Variants in RPTOR observed in about 807,000 individuals in gnomAD.
RPTOR encodes the protein regulatory-associated protein of mTOR.
A neutral mutation model predicts 169.9 loss-of-function variants in RPTOR; 21 were observed. That is an observed-to-expected ratio of 0.12 (90% CI 0.09 to 0.18). The LOEUF (loss-of-function observed/expected upper bound fraction) is 0.18. RPTOR is among the 10% of genes least tolerant of loss of function. The pLI is 1.00. For synonymous variants in RPTOR, 732 were observed against 753.2 expected (o/e 0.97, Z 0.46); for missense variants, 1,133 against 1,855.9 (o/e 0.61, Z 7.16).
intron 7 of RPTOR, among the ~76,000 whole-genome samples, chr17:80,821,511 C>T (rs1456550515): frequency 2.0e-5 from 3 of 152,310 alleles, no homozygotes; most frequent in Non-Finnish European, 4.4e-5. Flanking sequence ...ATGGTTCTGT[C>T]CTCACGGCTG....
At chr17:80,939,072 G>A (rs888560469) in intron 24 of RPTOR, among the ~76,000 whole-genome samples, 5 of 152,104 alleles carry the variant, frequency 3.3e-5, no homozygotes, top group African/African-American at 7.2e-5. Context: ...TTCCTTTGTC[G>A]AGACAGAGTT....
chr17:80,830,772 G>A (rs2067495155), intron 9 of RPTOR, among the ~76,000 whole-genome samples: 1 of 151,200 alleles, frequency 6.6e-6, no homozygotes, highest in South Asian at 2.1e-4. Flanking sequence ...TTTTTCGGAG[G>A]CGGGGTCTCG....
At chr17:80,761,574 AGACATTTGCTGT>A (rs1285984928) in intron 6 of RPTOR, among the ~76,000 whole-genome samples, 1 of 152,194 alleles carries the variant, frequency 6.6e-6, no homozygotes, top group East Asian at 1.9e-4. Context: ...GTCTCATTTC[AGACATTTGCTGT>A]GACATTTGCT....
chr17:80,593,932 C>T (rs1248380133), intron 1 of RPTOR: 5 of 152,118 alleles, frequency 3.3e-5, no homozygotes, highest in African/African-American at 9.7e-5. Flanking sequence ...TGGACTCCTC[C>T]GTGATTCTAA....
At chr17:80,662,717 A>C (rs1275866143) in intron 3 of RPTOR, among the ~76,000 whole-genome samples, 1 of 152,186 alleles carries the variant, frequency 6.6e-6, no homozygotes, top group African/African-American at 2.4e-5. Flanking sequence ...TAGAAAGGCA[A>C]GCTAGGGATG....
intron 2 of RPTOR, among the ~76,000 whole-genome samples, chr17:80,637,341 G>C (rs1007587345): frequency 2.6e-5 from 4 of 152,190 alleles, no homozygotes; most frequent in Non-Finnish European, 5.9e-5. Flanking sequence ...TGAGAAATGG[G>C]ATCCAGGTCC....
intron 5 of RPTOR, among the ~76,000 whole-genome samples, chr17:80,734,979 C>T (rs1372216996): frequency 6.6e-6 from 1 of 152,178 alleles, no homozygotes; most frequent in Non-Finnish European, 1.5e-5. Flanking sequence ...AAGCACCACA[C>T]CATTTTATAT....
In RPTOR at chr17:80,754,025, C is replaced by G. The variant is rs900695520; in HGVS notation, c.670C>G (p.Pro224Ala). The change falls in exon 6 of 34, where the codon CCA (proline) becomes GCA (alanine). Residue 224 changes from proline (P) to alanine (A), a missense_variant. By Grantham distance (27) the Pro-to-Ala change is conservative. Around this residue, in one of 9 missense-constraint regions of RPTOR, gnomAD observed 35 missense variants for 31.8 expected, o/e 1.10. Transcript: ENST00000306801. This position sits in a 1 kb window ranked among gnomAD's most constrained non-coding sequence, Gnocchi z 4.2. ...EQELEVAAIN[P>A]NHPLAQMPLP... ...TGCCCTTCAGGTAGCTGCAATCAAC[C>G]CAAATCACCCTCTTGCTCAGATGCC... 1 of 1,613,398 alleles carries G rather than the reference C, an allele frequency of 6.2e-7. No individual in the cohort carries two copies. Among genetic ancestry groups the G allele is most frequent in the African/African-American group, 1.3e-5 (1 of 74,916 alleles).
At chr17:80,617,882 C>A (rs1229504519) in intron 1 of RPTOR, among the ~76,000 whole-genome samples, 1 of 152,194 alleles carries the variant, frequency 6.6e-6, no homozygotes, top group South Asian at 2.1e-4. Context: ...TGGCTTCACA[C>A]ACCCGCACCA....
chr17:80,913,261 A>G lies in RPTOR; in HGVS notation c.2520+4332A>G, dbSNP rs150794142. ...CAGAGTCTAAAACAGCCTTATTACT[A>G]TGGAATGCCCTGTAGAATTCTATAT... On this transcript the variant is annotated intron_variant, in intron 21 of 33. Coordinates refer to ENST00000306801, the MANE Select transcript of RPTOR (RefSeq NM_020761.3). 5.4e-4 allele frequency among the ~76,000 whole-genome samples: 83 copies of G among 152,294 alleles called. No homozygotes were observed. The East Asian group carries it at 0.015, about 28-fold the overall frequency.
At chr17:80,909,055 A>G (rs1482449234) in intron 21 of RPTOR, 126 bp downstream of exon 21, 3 of 701,050 alleles carry the variant, frequency 4.3e-6, no homozygotes, top group Non-Finnish European at 7.7e-6. Context: ...GAGCTTCAGC[A>G]AATATCTTAA....
rs1386080126 is a variant in RPTOR, at chr17:80,651,638, T to A, written c.348+7828T>A. ...GCTCGCGCCTGTAATCCTAGCACTT[T>A]GGGAGGCCGAGGTGGGCAGATCACC... is the stretch of plus-strand genomic sequence containing the variant. On this transcript the variant is annotated intron_variant, in intron 3 of 33. Transcript: ENST00000306801. The surrounding 1 kb of genome is among the most constrained non-coding windows in gnomAD (Gnocchi z 4.1). Among the ~76,000 whole-genome samples the A allele has an allele frequency of 6.6e-6, 1 of 151,552 alleles. No individual in the cohort carries two copies. The highest frequency in any genetic ancestry group is 1.5e-5 in the Non-Finnish European group (1 of 67,890).
intron 1 of RPTOR, among the ~76,000 whole-genome samples, chr17:80,623,945 C>T (rs1381886611): frequency 4.0e-5 from 6 of 151,576 alleles, no homozygotes; most frequent in Non-Finnish European, 5.9e-5. Context: ...TTGCCTAGGC[C>T]GGAGTGCAGT....
chr17:80,646,164 G>A lies in RPTOR; in HGVS notation c.348+2354G>A, dbSNP rs1425966832. On this transcript the variant is annotated intron_variant, in intron 3 of 33. Coordinates refer to ENST00000306801, the MANE Select transcript of RPTOR (RefSeq NM_020761.3). This position sits in a 1 kb window ranked among gnomAD's most constrained non-coding sequence, Gnocchi z 5.0. ...GGGATCTTTTGTCCCCATTCAGGAAGCAAAACCACAACAATGGACACCTAA... is the reference window on the plus strand; with the variant it reads ...GGGATCTTTTGTCCCCATTCAGGAAACAAAACCACAACAATGGACACCTAA... Among the ~76,000 whole-genome samples, 3 of 152,168 alleles carry A rather than the reference G, an allele frequency of 2.0e-5. No homozygotes were observed. The highest frequency in any genetic ancestry group is 2.0e-4 in the Admixed American group (3 of 15,268).
rs900598099 is a variant in RPTOR, at chr17:80,726,293, G to A, written c.508-4267G>A. On this transcript the variant is annotated intron_variant, in intron 4 of 33. Coordinates refer to ENST00000306801, the MANE Select transcript of RPTOR (RefSeq NM_020761.3). The surrounding 1 kb of genome is among the most constrained non-coding windows in gnomAD (Gnocchi z 4.5). ...CCCTGTGCCGTGCTGCCTCCTGGAC[G>A]CACGCTAGGAGGTGGAGATGGTCCA... Among the ~76,000 whole-genome samples, 8 of 152,178 alleles carry A rather than the reference G, an allele frequency of 5.3e-5. No individual in the cohort carries two copies. Among genetic ancestry groups the A allele is most frequent in the Non-Finnish European group, 1.0e-4 (7 of 68,028 alleles).
intron 1 of RPTOR, among the ~76,000 whole-genome samples, chr17:80,594,436 C>T (rs2065130233): frequency 6.6e-6 from 1 of 152,188 alleles, no homozygotes; most frequent in Non-Finnish European, 1.5e-5. Context: ...GTTTTGAGTT[C>T]GATACCAGCG....
intron 28 of RPTOR, among the ~76,000 whole-genome samples, chr17:80,955,952 A>G (rs1170927439): frequency 1.3e-5 from 2 of 152,268 alleles, no homozygotes; most frequent in African/African-American, 4.8e-5. Flanking sequence ...GTAACGCAAG[A>G]TTAAATGAGT....
At chr17:80,881,169 C>T (rs900262604) in intron 14 of RPTOR, among the ~76,000 whole-genome samples, 10 of 152,134 alleles carry the variant, frequency 6.6e-5, no homozygotes, top group African/African-American at 2.2e-4. Context: ...ACACAGTGTT[C>T]GGTGGCTTTG....
chr17:80,875,262 G>T (rs2068094235), intron 13 of RPTOR, among the ~76,000 whole-genome samples: 1 of 152,184 alleles, frequency 6.6e-6, no homozygotes, highest in African/African-American at 2.4e-5. Flanking sequence ...TTGGCCAGGG[G>T]CTCCTCCTGG....
Sources: allele counts gnomAD v4.1 joint callset (sites outside exome capture counted in the v4.1 genomes callset), GRCh38; gene constraint gnomAD v4.1.1; regional missense constraint gnomAD v4.1.1; non-coding constraint Gnocchi (gnomAD v3.1); transcripts MANE v1.5; gene names NCBI Gene and HGNC (gene_info 2026-07-23, HGNC 2026-07-21).